Variants in GALK2 observed in about 807,000 individuals in gnomAD.
GALK2 encodes the protein N-acetylgalactosamine kinase.
Under a neutral mutation model 52.4 loss-of-function variants are expected in GALK2, and 36 were observed. The observed-to-expected ratio is 0.69, with a 90% CI of 0.53 to 0.91. The LOEUF is 0.91. Among genes scored for constraint, GALK2 ranks in the 40% least tolerant of loss-of-function variants. The pLI is 0.00. For missense variants in GALK2, 579 were observed against 559.1 expected (o/e 1.04, Z -0.36); for synonymous variants, 176 against 199.1 (o/e 0.88, Z 0.98).
chr15:49,305,703 G>C (rs2035490631), intron 8 of GALK2, among the ~76,000 whole-genome samples: 1 of 152,166 alleles, frequency 6.6e-6, no homozygotes, highest in South Asian at 2.1e-4. Flanking sequence ...AAAAAGGGAA[G>C]GGGGACAGAG....
intron 5 of GALK2, among the ~76,000 whole-genome samples, chr15:49,254,036 A>T (rs774667502): frequency 6.9e-6 from 1 of 144,414 alleles, no homozygotes; most frequent in African/African-American, 2.5e-5. Context: ...TAGTCTGGCA[A>T]ATTGTAAATA....
chr15:49,365,855 T>C (rs1015878649), intron 3 of GALK2: 1 of 901,040 alleles, frequency 1.1e-6, no homozygotes, highest in African/African-American at 1.6e-5. Context: ...CACTCAATTG[T>C]GCATTGTCCA....
intron 1 of GALK2, among the ~76,000 whole-genome samples, chr15:49,179,222 A>G (rs535753612): frequency 6.6e-6 from 1 of 152,262 alleles, no homozygotes; most frequent in South Asian, 2.1e-4. Flanking sequence ...AGTAATAACT[A>G]ATAATTATTT....
intron 7 of GALK2, 140 bp downstream of exon 7, chr15:49,283,858 G>T: frequency 1.2e-6 from 1 of 823,314 alleles, no homozygotes; most frequent in Non-Finnish European, 1.9e-6. Flanking sequence ...AGGTCTTTGG[G>T]TACAGAGAAA....
intron 3 of GALK2, among the ~76,000 whole-genome samples, chr15:49,229,824 C>T (rs1239574162): frequency 6.6e-6 from 1 of 152,052 alleles, no homozygotes; most frequent in African/African-American, 2.4e-5. Context: ...TGCACTTTGG[C>T]TCCAGGTAGT....
intron 8 of GALK2, among the ~76,000 whole-genome samples, chr15:49,307,085 G>C (rs1182931145): frequency 2.0e-5 from 3 of 152,164 alleles, no homozygotes; most frequent in Non-Finnish European, 2.9e-5. Context: ...GCCTCTGACT[G>C]TTATGTTTTT....
At chr15:49,233,512 C>T (rs972918074) in intron 3 of GALK2, among the ~76,000 whole-genome samples, 1 of 152,192 alleles carries the variant, frequency 6.6e-6, no homozygotes, top group African/African-American at 2.4e-5. Context: ...TTTTTCTCCT[C>T]ATACCTGCCT....
chr15:49,230,941 T>G (rs2090467347), intron 3 of GALK2, among the ~76,000 whole-genome samples: 1 of 151,886 alleles, frequency 6.6e-6, no homozygotes, highest in African/African-American at 2.4e-5. Flanking sequence ...AAAGGCTAGG[T>G]AGAGAGGTGA....
At chr15:49,179,498 A>AG (rs2085784281) in intron 1 of GALK2, among the ~76,000 whole-genome samples, 1 of 152,190 alleles carries the variant, frequency 6.6e-6, no homozygotes, top group South Asian at 2.1e-4. Context: ...TACATGTCAT[A>AG]GCTCCTGAAA....
Position 49,239,362 on chromosome 15 carries a change from T to C in GALK2, c.499T>C (p.Ser167Pro). Residue 167 changes from serine to proline, a missense_variant, in exon 5 of 10, where the codon TCC becomes CCC. Transcript: ENST00000560031. The part of the protein sequence containing the change: ...VTLTVLGRNL[S>P]KVELAEICAK... The stretch of plus-strand genomic sequence containing the variant: ...GCTCACAGTGCTGGGAAGGAATCTA[T>C]CCAAGGTAACTACCTTTGATAGGAA... 3 of 1,613,800 alleles carry C rather than the reference T, an allele frequency of 1.9e-6. No homozygotes were observed. Among genetic ancestry groups the C allele is most frequent in the South Asian group, 2.2e-5 (2 of 91,020 alleles).
At chr15:49,276,654 G>T (rs2031712142) in intron 5 of GALK2, among the ~76,000 whole-genome samples, 1 of 152,180 alleles carries the variant, frequency 6.6e-6, no homozygotes, top group Non-Finnish European at 1.5e-5. Flanking sequence ...AGCATGAATA[G>T]ACTCACTCAC....
At chr15:49,277,497 T>G (rs1279492596) in intron 5 of GALK2, among the ~76,000 whole-genome samples, 3 of 142,668 alleles carry the variant, frequency 2.1e-5, no homozygotes, top group Non-Finnish European at 4.6e-5. Flanking sequence ...ATCATAACCA[T>G]TTAGGATTTG....
intron 1 of GALK2, among the ~76,000 whole-genome samples, chr15:49,187,315 TC>T (rs2086428204): frequency 6.6e-6 from 1 of 152,210 alleles, no homozygotes; most frequent in African/African-American, 2.4e-5. Context: ...ATACTGATTT[TC>T]CTGGAGTTAG....
intron 1 of GALK2, chr15:49,156,630 T>C: frequency 1.9e-6 from 1 of 521,362 alleles, no homozygotes; most frequent in South Asian, 1.5e-5. Context: ...CACTTTGATA[T>C]GATAAATATT....
At chr15:49,281,897 A>G (rs958105351) in intron 5 of GALK2, 90 bp from the exon 6 acceptor site, 2 of 914,986 alleles carry the variant, frequency 2.2e-6, no homozygotes, top group Non-Finnish European at 1.7e-6. Flanking sequence ...TGGTGCTGGA[A>G]TTCAAACCTG....
intron 8 of GALK2, among the ~76,000 whole-genome samples, chr15:49,292,795 C>CT (rs745761903): frequency 2.3e-4 from 35 of 151,894 alleles, no homozygotes; most frequent in Admixed American, 4.6e-4. Flanking sequence ...TCTTTTTTAT[C>CT]TTTTTTTTCC....
chr15:49,299,944 A>G (rs2034961288), intron 8 of GALK2, among the ~76,000 whole-genome samples: 1 of 151,774 alleles, frequency 6.6e-6, no homozygotes, highest in Admixed American at 6.6e-5. Flanking sequence ...GGAGTATTCT[A>G]TAGATATCTG....
At chr15:49,171,777 A>ATT (rs775994942) in intron 1 of GALK2, among the ~76,000 whole-genome samples, 1 of 91,564 alleles carries the variant, frequency 1.1e-5, no homozygotes, top group Non-Finnish European at 2.5e-5. Flanking sequence ...GTTTAGTCTT[A>ATT]TTTTTTTTTT....
At chr15:49,354,305 G>T (rs139884542) in intron 3 of GALK2, among the ~76,000 whole-genome samples, 5 of 151,974 alleles carry the variant, frequency 3.3e-5, no homozygotes, top group African/African-American at 4.8e-5. Flanking sequence ...CGCAGAAGAC[G>T]GGTGATTTCT....
Sources: gnomAD v4.1 joint callset for allele counts (sites outside exome capture counted in the v4.1 genomes callset) on GRCh38, gnomAD v4.1.1 for gene constraint, MANE v1.5 for transcripts, NCBI Gene and HGNC (gene_info 2026-07-23, HGNC 2026-07-21) for gene names.